SPON1: variants seen among roughly 807,000 people sequenced by gnomAD.
SPON1 encodes the protein spondin-1.
A neutral mutation model predicts 111.7 loss-of-function variants in SPON1; 52 were observed. The observed-to-expected ratio is 0.47, with a 90% confidence interval of 0.37 to 0.59. The LOEUF is 0.59. SPON1 is among the 20% of genes least tolerant of loss of function. The pLI is 0.00. For missense variants in SPON1, 957 were observed against 1,068.5 expected (o/e 0.90, Z 1.46); for synonymous variants, 410 against 395.8 (o/e 1.04, Z -0.43).
chr11:14,086,911 T>A (rs1363594816), intron 5 of SPON1, among the ~76,000 whole-genome samples: 1 of 152,216 alleles, frequency 6.6e-6, no homozygotes, highest in Non-Finnish European at 1.5e-5. Flanking sequence ...CCATTTCTTC[T>A]AGATTTTCTA....
chr11:14,162,656 C>A (rs1444928274), intron 6 of SPON1, among the ~76,000 whole-genome samples: 4 of 152,184 alleles, frequency 2.6e-5, no homozygotes, highest in Non-Finnish European at 5.9e-5. Context: ...TCAGAGCAGT[C>A]ATAAAAAATG....
At chr11:14,039,243 T>C (rs1848615695) in intron 2 of SPON1, among the ~76,000 whole-genome samples, 1 of 152,200 alleles carries the variant, frequency 6.6e-6, no homozygotes, top group South Asian at 2.1e-4. Flanking sequence ...TTTCATATGA[T>C]ACTACAATGG....
chr11:14,166,888 C>T (rs925057710), intron 6 of SPON1, among the ~76,000 whole-genome samples: 7 of 152,088 alleles, frequency 4.6e-5, no homozygotes, highest in Admixed American at 4.6e-4. Flanking sequence ...TTTAAGAGCA[C>T]CTTAAATAGC....
intron 6 of SPON1, among the ~76,000 whole-genome samples, chr11:14,197,255 G>A (rs954524898): frequency 7.2e-5 from 11 of 152,058 alleles, no homozygotes; most frequent in Admixed American, 6.6e-4. Context: ...GTCAGTTCAA[G>A]CTCTGTCAAT....
intron 7 of SPON1, 48 bp downstream of exon 7, chr11:14,243,444 CT>C: frequency 6.7e-7 from 1 of 1,495,662 alleles, no homozygotes; most frequent in Non-Finnish European, 9.1e-7. Flanking sequence ...CTAGCCCCTT[CT>C]CAAAGCCACC....
chr11:14,058,914 C>T (rs1395819330), intron 3 of SPON1, among the ~76,000 whole-genome samples: 2 of 152,178 alleles, frequency 1.3e-5, no homozygotes, highest in Non-Finnish European at 2.9e-5. Context: ...GTAGCCCAAG[C>T]TTTTGATCTA....
chr11:14,265,247 T>C (rs1849251103), intron 15 of SPON1, among the ~76,000 whole-genome samples: 1 of 152,196 alleles, frequency 6.6e-6, no homozygotes, highest in South Asian at 2.1e-4. Flanking sequence ...TTTGCTCATG[T>C]CCCATTGGCC....
chr11:13,995,664 A>G (rs986079401), intron 2 of SPON1, among the ~76,000 whole-genome samples: 4 of 152,188 alleles, frequency 2.6e-5, no homozygotes, highest in Non-Finnish European at 5.9e-5. Flanking sequence ...AAACCATATC[A>G]TGGCCCCTGG....
intron 6 of SPON1, among the ~76,000 whole-genome samples, chr11:14,194,004 G>T (rs1743462078): frequency 6.6e-6 from 1 of 152,230 alleles, no homozygotes; most frequent in Non-Finnish European, 1.5e-5. Context: ...TGAGCCCCTG[G>T]TGAAGCTGAG....
At chr11:14,013,835 A>G (rs1848423758) in intron 2 of SPON1, among the ~76,000 whole-genome samples, 1 of 152,154 alleles carries the variant, frequency 6.6e-6, no homozygotes, top group South Asian at 2.1e-4. Context: ...ATGAAGGAAG[A>G]GACTCAGAGA....
chr11:13,963,225 CG>C, intron 1 of SPON1, 83 bp downstream of exon 1: 1 of 1,117,612 alleles, frequency 8.9e-7, no homozygotes, highest in Non-Finnish European at 1.2e-6. Flanking sequence ...GAGGAGGGCG[CG>C]CGGTCTCCGG....
intron 2 of SPON1, among the ~76,000 whole-genome samples, chr11:14,030,394 C>T (rs1848549295): frequency 6.6e-6 from 1 of 152,104 alleles, no homozygotes; most frequent in Non-Finnish European, 1.5e-5. Flanking sequence ...TCTGGTGTTT[C>T]TCAGGACTAA....
chr11:14,038,185 A>G (rs1848608427), intron 2 of SPON1, among the ~76,000 whole-genome samples: 1 of 140,126 alleles, frequency 7.1e-6, no homozygotes, highest in African/African-American at 2.7e-5. Flanking sequence ...ATAAATAACG[A>G]CTGGGCGTGG....
chr11:14,141,948 C>T (rs1847662003), intron 6 of SPON1, among the ~76,000 whole-genome samples: 1 of 152,154 alleles, frequency 6.6e-6, no homozygotes, highest in South Asian at 2.1e-4. Flanking sequence ...ATCTTCCATG[C>T]TTATGAGAAG....
chr11:14,176,844 C>G (rs1848182421), intron 6 of SPON1, among the ~76,000 whole-genome samples: 1 of 152,150 alleles, frequency 6.6e-6, no homozygotes, highest in East Asian at 1.9e-4. Flanking sequence ...CAAGGGCAAT[C>G]CCAGACAAGC....
intron 6 of SPON1, among the ~76,000 whole-genome samples, chr11:14,171,798 G>C (rs375263006): frequency 6.6e-6 from 1 of 151,948 alleles, no homozygotes; most frequent in Non-Finnish European, 1.5e-5. Context: ...GTAGTTGAGC[G>C]GTTTTGAGTG....
chr11:14,203,919 T>G (rs10766169), intron 6 of SPON1, among the ~76,000 whole-genome samples: 1 of 152,120 alleles, frequency 6.6e-6, no homozygotes, highest in African/African-American at 2.4e-5. Context: ...TGTTCAAAAA[T>G]GGGAAGAATC....
chr11:14,236,734 C>T (rs1315167806), intron 6 of SPON1, among the ~76,000 whole-genome samples: 3 of 152,146 alleles, frequency 2.0e-5, no homozygotes, highest in African/African-American at 4.8e-5. Context: ...GAAAGAAAAT[C>T]AGAGGCAGCA....
chr11:14,046,259 A>T (rs894847230), intron 3 of SPON1, among the ~76,000 whole-genome samples: 4 of 152,120 alleles, frequency 2.6e-5, no homozygotes, highest in African/African-American at 9.7e-5. Flanking sequence ...AGGTACCCCA[A>T]CCCTACTCCT....
Sources: gnomAD v4.1 joint callset for allele counts (sites outside exome capture counted in the v4.1 genomes callset) on GRCh38, gnomAD v4.1.1 for gene constraint, MANE v1.5 for transcripts, NCBI Gene and HGNC (gene_info 2026-07-23, HGNC 2026-07-21) for gene names.